ACTR1A: variants seen among roughly 807,000 people sequenced by gnomAD.
The protein encoded by ACTR1A is actin related protein 1A, also known as alpha-centractin.
In ACTR1A, 10 loss-of-function variants were observed where a neutral mutation model predicts 50.7. The ratio of observed to expected loss-of-function variants is 0.20; its 90% CI spans 0.12 to 0.33. The LOEUF (loss-of-function observed/expected upper bound fraction) is 0.33. Among genes scored for constraint, ACTR1A ranks in the 10% least tolerant of loss-of-function variants. The pLI, the probability that ACTR1A is intolerant of heterozygous loss-of-function variation, is 1.00. For synonymous variants in ACTR1A, 177 were observed against 184.2 expected (o/e 0.96, Z 0.32); for missense variants, 253 against 491.7 (o/e 0.51, Z 4.59).
chr10:102,493,353 AT>A (rs2062204847), intron 1 of ACTR1A, among the ~76,000 whole-genome samples: 1 of 152,194 alleles, frequency 6.6e-6, no homozygotes, highest in Admixed American at 6.5e-5. Context: ...CAACAGACTA[AT>A]TGGGTCTCCC....
chr10:102,489,983 C>T (rs945510542), intron 2 of ACTR1A, among the ~76,000 whole-genome samples: 1 of 152,090 alleles, frequency 6.6e-6, no homozygotes, highest in African/African-American at 2.4e-5. Flanking sequence ...GGGCTGTAAT[C>T]CCAGCACTTT....
intron 1 of ACTR1A, among the ~76,000 whole-genome samples, chr10:102,498,677 T>C (rs1320406748): frequency 1.3e-5 from 2 of 151,920 alleles, no homozygotes; most frequent in Non-Finnish European, 2.9e-5. Context: ...CTCACTATGT[T>C]GCCCAGGCTG....
At position 102,480,753 on chromosome 10, in the gene ACTR1A, A is replaced by G; in HGVS notation, c.*110T>C. The G allele has an allele frequency of 1.1e-6, 1 of 907,252 alleles. No homozygotes were observed. The highest frequency in any genetic ancestry group is 1.8e-6 in the Non-Finnish European group (1 of 549,322). 56.2% of individuals were successfully genotyped at this position (907,252 alleles called of 1,614,324 possible). ...CACTCGCATGTGCACACACACTCATATCCACACACGCACTCACACACAGGC... is the reference window on the plus strand; with the variant it reads ...CACTCGCATGTGCACACACACTCATGTCCACACACGCACTCACACACAGGC... On this transcript the variant is annotated 3_prime_UTR_variant, in exon 11 of 11. Transcript: ENST00000369905.
chr10:102,484,217 C>G lies in ACTR1A; in HGVS notation c.600G>C (p.Lys200Asn), dbSNP rs751197563. The G allele has an allele frequency of 1.9e-6, 3 of 1,614,230 alleles. No individual in the cohort carries two copies. In the South Asian group the frequency reaches 3.3e-5, roughly 18 times the overall value. The stretch of plus-strand genomic sequence containing the variant: ...AGGATGAGTGGAAGTCGTAGCCCTC[C>G]TTACGCAGGTAGAGGCGCAGGAAGC... Reference protein sequence around the residue: ...VSRFLRLYLRKEGYDFHSSSE... With the variant: ...VSRFLRLYLRNEGYDFHSSSE... The change falls in exon 6 of 11, where the codon AAG (lysine) becomes AAC (asparagine). Residue 200 changes from lysine (K) to asparagine (N), a missense_variant. Transcript: ENST00000369905.
Position 102,502,693 on chromosome 10 carries a change from C to G in ACTR1A, c.-46G>C. 1 of 1,608,480 alleles carries G rather than the reference C, an allele frequency of 6.2e-7. No homozygotes were observed. Among genetic ancestry groups the G allele is most frequent in the Non-Finnish European group, 8.5e-7 (1 of 1,175,346 alleles). ...TGGGGAAGGAACTGCCCAGCCGGGT[C>G]CGCCGCTAGCGCCACTGACACGCAT... On this transcript the variant is annotated 5_prime_UTR_variant, in exon 1 of 11. Transcript: ENST00000369905.
In ACTR1A at chr10:102,488,126, G is replaced by T. The variant is rs757419866; in HGVS notation, c.315+24C>A. The stretch of plus-strand genomic sequence containing the variant: ...ACACAGCTTTGCATACCCTACAGGA[G>T]TGCCCTACACACAGGATCCTCACCT... On this transcript the variant is annotated intron_variant, in intron 4 of 10. Transcript: ENST00000369905. This position sits in a 1 kb window ranked among gnomAD's most constrained non-coding sequence, Gnocchi z 4.4. The T allele has an allele frequency of 1.9e-6, 3 of 1,603,162 alleles. No individual in the cohort carries two copies. Among genetic ancestry groups the T allele is most frequent in the East Asian group, 2.2e-5 (1 of 44,520 alleles).
intron 1 of ACTR1A, among the ~76,000 whole-genome samples, chr10:102,495,664 G>C (rs1308825280): frequency 1.3e-5 from 2 of 151,674 alleles, no homozygotes; most frequent in Non-Finnish European, 2.9e-5. Flanking sequence ...ACAAGGGGGA[G>C]GTTGCAGTGA....
chr10:102,500,169 C>T (rs1436305503), intron 1 of ACTR1A, among the ~76,000 whole-genome samples: 1 of 152,206 alleles, frequency 6.6e-6, no homozygotes, highest in African/African-American at 2.4e-5. Flanking sequence ...TGTGGTGGCT[C>T]ATGCTTGTAA....
At chr10:102,495,188 G>A (rs1166637030) in intron 1 of ACTR1A, among the ~76,000 whole-genome samples, 2 of 151,892 alleles carry the variant, frequency 1.3e-5, no homozygotes, top group African/African-American at 4.8e-5. Context: ...GAGCCCAAGA[G>A]GTCAGGGCTG....
At chr10:102,495,010 C>A (rs1350493868) in intron 1 of ACTR1A, among the ~76,000 whole-genome samples, 1 of 151,982 alleles carries the variant, frequency 6.6e-6, no homozygotes, top group Non-Finnish European at 1.5e-5. Flanking sequence ...GGGGTTTCAC[C>A]ATGTTGGCCA....
rs958855669 is a variant in ACTR1A at position 102,488,524 on chromosome 10, G to A, written c.190-249C>T. On this transcript the variant is annotated intron_variant, in intron 3 of 10. Coordinates refer to ENST00000369905, the MANE Select transcript of ACTR1A (RefSeq NM_005736.4). The surrounding 1 kb of genome is among the most constrained non-coding windows in gnomAD (Gnocchi z 4.4). ...GCTTCTGCATTTCCATGGCCCCTCA[G>A]GTGCCTCTAGGGCAAGTGGCAGGAG... Among the ~76,000 whole-genome samples the A allele has an allele frequency of 6.6e-6, 1 of 152,222 alleles. No individual in the cohort carries two copies. Among genetic ancestry groups the A allele is most frequent in the African/African-American group, 2.4e-5 (1 of 41,462 alleles).
intron 1 of ACTR1A, among the ~76,000 whole-genome samples, chr10:102,499,763 C>T (rs1203310088): frequency 6.6e-6 from 1 of 152,166 alleles, no homozygotes; most frequent in Non-Finnish European, 1.5e-5. Context: ...AAGAGCCTGG[C>T]TAAAGACAGA....
Position 102,480,800 on chromosome 10 carries a change from C to T in ACTR1A, c.*63G>A. The T allele has an allele frequency of 2.2e-6, 3 of 1,368,684 alleles. No individual in the cohort carries two copies. Among genetic ancestry groups the T allele is most frequent in the Non-Finnish European group, 3.1e-6 (3 of 957,658 alleles). 84.8% of individuals were successfully genotyped at this position (1,368,684 alleles called of 1,614,324 possible). A position where few individuals can be genotyped will look rare whatever the true frequency, so the allele number is the denominator to read the frequency against. ...AGGCAGTTCCTCGCAAACACTCCGA[C>T]TCAAGAAAGCGAGTTTTAAAGTGGA... On this transcript the variant is annotated 3_prime_UTR_variant, in exon 11 of 11. Transcript: ENST00000369905.
At chr10:102,491,837 C>T (rs2062195781) in intron 1 of ACTR1A, among the ~76,000 whole-genome samples, 1 of 152,160 alleles carries the variant, frequency 6.6e-6, no homozygotes, top group African/African-American at 2.4e-5. Context: ...GCAATCTGGG[C>T]TCACTGCAAG....
rs1014734923 is a variant in ACTR1A, at chr10:102,502,181, T to A, written c.48+419A>T. On this transcript the variant is annotated intron_variant, in intron 1 of 10. Transcript: ENST00000369905. ...AAAACAATATGGCGGCAAGGAAGAA[T>A]GGCAGGGGCGTGAGCCAATCACCGC... Among the ~76,000 whole-genome samples the A allele has an allele frequency of 4.6e-5, 7 of 152,146 alleles. 1 individual carries two copies. The highest frequency in any genetic ancestry group is 7.4e-5 in the Non-Finnish European group (5 of 68,026).
chr10:102,495,238 G>A (rs1429343143), intron 1 of ACTR1A, among the ~76,000 whole-genome samples: 2 of 152,050 alleles, frequency 1.3e-5, no homozygotes, highest in African/African-American at 2.4e-5. Flanking sequence ...CAGACTGGGC[G>A]ATAGAGTGAG....
chr10:102,482,914 C>A lies in ACTR1A; in HGVS notation c.750+97G>T. 2.0e-6 allele frequency: 2 copies of A among 1,023,638 alleles called. No individual in the cohort carries two copies. The highest frequency in any genetic ancestry group is 1.7e-5 in the Admixed American group (1 of 57,456). The allele number at this position is 1,023,638 out of a possible 1,614,324, so 63.4% of individuals were successfully genotyped here. A position where few individuals can be genotyped will look rare whatever the true frequency, so the allele number is the denominator to read the frequency against. ...GTTGGACAAGCTTGGTGTAAAGGGA[C>A]TGGCCTGCCAGACTCCAGACCCTGA... On this transcript the variant is annotated intron_variant, in intron 7 of 10. Coordinates refer to ENST00000369905, the MANE Select transcript of ACTR1A (RefSeq NM_005736.4). The surrounding 1 kb of genome is among the most constrained non-coding windows in gnomAD (Gnocchi z 5.6).
At chr10:102,484,880 C>A (rs781158543) in intron 5 of ACTR1A, among the ~76,000 whole-genome samples, 1 of 152,180 alleles carries the variant, frequency 6.6e-6, no homozygotes, top group African/African-American at 2.4e-5. Flanking sequence ...TGCTTCAGTG[C>A]GGAGAGGCCA....
intron 1 of ACTR1A, among the ~76,000 whole-genome samples, chr10:102,494,083 A>C (rs552187544): frequency 1.3e-5 from 2 of 152,384 alleles, no homozygotes; most frequent in East Asian, 1.9e-4. Flanking sequence ...CAAAAGGGTT[A>C]TGTCCATTTC....
Sources: allele counts gnomAD v4.1 joint callset (sites outside exome capture counted in the v4.1 genomes callset), GRCh38; gene constraint gnomAD v4.1.1; non-coding constraint Gnocchi (gnomAD v3.1); transcripts MANE v1.5; gene names NCBI Gene and HGNC (gene_info 2026-07-23, HGNC 2026-07-21).